The following BTNL9 variants were observed in gnomAD, a reference collection of about 807,000 sequenced individuals.
BTNL9 encodes butyrophilin-like protein 9.
In BTNL9, 45 loss-of-function variants were observed where a neutral mutation model predicts 45.8. The ratio of observed to expected loss-of-function variants is 0.98; its 90% CI spans 0.77 to 1.26. The LOEUF is 1.26. Among genes scored for constraint, BTNL9 ranks in the 50% most tolerant of loss-of-function variants. BTNL9 has a pLI of 0.00. For synonymous variants in BTNL9, 346 were observed against 330.8 expected, an observed-to-expected ratio of 1.05 and a Z score of -0.50; for missense variants, 784 against 729.7, an observed-to-expected ratio of 1.07 and a Z score of -0.86.
Position 181,050,572 on chromosome 5 carries a change from G to C in BTNL9, c.736+203G>C, listed in dbSNP as rs560740982. Among the ~76,000 whole-genome samples the C allele has an allele frequency of 4.0e-4, 61 of 152,252 alleles. No individual in the cohort carries two copies. The South Asian group carries it at 0.011, about 27-fold the overall frequency. On this transcript the variant is annotated intron_variant, in intron 4 of 10. Coordinates refer to ENST00000327705, the MANE Select transcript of BTNL9 (RefSeq NM_152547.5). The surrounding 1 kb of genome is among the most constrained non-coding windows in gnomAD (Gnocchi z 4.9). ...AGAACCCAAACAGTCAGTGAGAGAG[G>C]CCCCAGAGAGCCCGCCTTTCTGTGC... is the stretch of plus-strand genomic sequence containing the variant.
At position 181,053,764 on chromosome 5, in the gene BTNL9, A is replaced by G; in HGVS notation, c.886+263A>G. ...CCGGCTGCTGTCGTTACGCCCTCGG[A>G]GCTTCACATCACACTGTACAGAGGG... On this transcript the variant is annotated intron_variant, in intron 6 of 10. Coordinates refer to ENST00000327705, the MANE Select transcript of BTNL9 (RefSeq NM_152547.5). The surrounding 1 kb of genome is among the most constrained non-coding windows in gnomAD (Gnocchi z 6.5). 2 of 1,516,780 alleles carry G rather than the reference A, an allele frequency of 1.3e-6. No individual in the cohort carries two copies. The highest frequency in any genetic ancestry group is 2.5e-5 in the East Asian group (1 of 40,280). 94.0% of individuals were successfully genotyped at this position (1,516,780 alleles called of 1,614,324 possible).
chr5:181,047,928 G>A lies in BTNL9; in HGVS notation c.111G>A (p.Glu37=), dbSNP rs1255012069. ...GCCTGTTCTGACTTGTCATCCTAGA[G>A]GTCAAGGTGCTAGGCCCTGAGTATC... ...LLLQPGEPSS[E]VKVLGPEYPI... Residue 37 remains glutamate (E), a splice_region_variant and synonymous_variant, in exon 3 of 11, where the codon GAG becomes GAA. Coordinates refer to ENST00000327705, the MANE Select transcript of BTNL9 (RefSeq NM_152547.5). The A allele has an allele frequency of 1.2e-6, 2 of 1,612,474 alleles. No individual in the cohort carries two copies. The highest frequency in any genetic ancestry group is 2.2e-5 in the East Asian group (1 of 44,860).
At chr5:181,047,197 A>T (rs1561976761) in intron 2 of BTNL9, among the ~76,000 whole-genome samples, 1 of 152,182 alleles carries the variant, frequency 6.6e-6, no homozygotes, top group Non-Finnish European at 1.5e-5. Flanking sequence ...ACTGTGCAGG[A>T]GCAGCAACTC....
At position 181,050,239 on chromosome 5, in the gene BTNL9, CT is replaced by C. The variant is rs747284800; in HGVS notation, c.607del (p.Trp203GlyfsTer32). ...CLPPEFEAIV[W>X]DAQDLFSLET... ...TGCCTCCAGAGTTTGAAGCCATCGT[CT>C]GGGATGCCCAGGACCTGTTCAGTCT... is the stretch of plus-strand genomic sequence containing the variant. On this transcript the variant is annotated frameshift_variant, in exon 4 of 11. Coordinates refer to ENST00000327705, the MANE Select transcript of BTNL9 (RefSeq NM_152547.5). LOFTEE classifies it high-confidence loss of function. This position sits in a 1 kb window ranked among gnomAD's most constrained non-coding sequence, Gnocchi z 4.9. 73 of 1,613,976 alleles carry C rather than the reference CT, an allele frequency of 4.5e-5. No homozygotes were observed. Among genetic ancestry groups the C allele is most frequent in the Non-Finnish European group, 5.8e-5 (69 of 1,180,018 alleles).
rs1761838162 is a variant in BTNL9, at chr5:181,055,643, C to A, written c.928+190C>A. On this transcript the variant is annotated intron_variant, in intron 8 of 10. Coordinates refer to ENST00000327705, the MANE Select transcript of BTNL9 (RefSeq NM_152547.5). This position sits in a 1 kb window ranked among gnomAD's most constrained non-coding sequence, Gnocchi z 4.4. ...AATTAGCCCGGCGTGGCGGCATGTG[C>A]CTGTAGTCCCAGCTACATGGGAGGC... is the stretch of plus-strand genomic sequence containing the variant. The A allele has an allele frequency of 5.6e-6, 4 of 719,506 alleles. No homozygotes were observed. The Admixed American group carries it at 9.0e-5, about 16-fold the overall frequency. 44.6% of individuals were successfully genotyped at this position (719,506 alleles called of 1,614,324 possible).
chr5:181,054,460 G>T (rs1300067990), intron 7 of BTNL9: 1 of 985,288 alleles, frequency 1.0e-6, no homozygotes, highest in African/African-American at 1.7e-5. Flanking sequence ...CCTCTGCACA[G>T]ACCCTGCCAG....
Position 181,045,888 on chromosome 5 carries a change from C to A in BTNL9, c.109+290C>A, listed in dbSNP as rs28489251. 3.2e-5 allele frequency among the ~76,000 whole-genome samples: 2 copies of A among 61,854 alleles called. 1 individual carries two copies. 40.6% of individuals were successfully genotyped at this position (61,854 alleles called of 152,430 possible). On this transcript the variant is annotated intron_variant, in intron 2 of 10. Coordinates refer to ENST00000327705, the MANE Select transcript of BTNL9 (RefSeq NM_152547.5). ...GTGTTCCTCCACCATCTCCCCAGCC[C>A]CCGACACCTCCTCCACCATCTCCCC...
chr5:181,059,576 C>A lies in BTNL9; in HGVS notation c.1322C>A (p.Thr441Asn). ...FVLAPHRVALTLRVPPRRLGV... is the reference protein window; with the variant it reads ...FVLAPHRVALNLRVPPRRLGV... ...CTGGCCCCGCACCGCGTCGCGCTCA[C>A]CCTGCGCGTGCCCCCGCGGCGCCTG... is the stretch of plus-strand genomic sequence containing the variant. The change falls in exon 11 of 11, where the codon ACC (threonine) becomes AAC (asparagine). Residue 441 changes from threonine (T) to asparagine (N), a missense_variant. Physicochemically the swap from Thr to Asn is moderately conservative, Grantham distance 65. Coordinates refer to ENST00000327705, the MANE Select transcript of BTNL9 (RefSeq NM_152547.5). The A allele has an allele frequency of 6.2e-7, 1 of 1,612,616 alleles. No homozygotes were observed. The highest frequency in any genetic ancestry group is 8.5e-7 in the Non-Finnish European group (1 of 1,179,802).
At chr5:181,045,694 G>A (rs1028666377) in intron 2 of BTNL9, 96 bp downstream of exon 2, 10 of 971,416 alleles carry the variant, frequency 1.0e-5, no homozygotes, top group South Asian at 2.7e-5. Context: ...ACCAGGGCGT[G>A]CCAGACGCTA....
In BTNL9 at chr5:181,055,491, C is replaced by G; in HGVS notation, c.928+38C>G. 2 of 1,611,844 alleles carry G rather than the reference C, an allele frequency of 1.2e-6. No individual in the cohort carries two copies. The highest frequency in any genetic ancestry group is 1.1e-5 in the South Asian group (1 of 91,018). On this transcript the variant is annotated intron_variant, in intron 8 of 10. Transcript: ENST00000327705. This position sits in a 1 kb window ranked among gnomAD's most constrained non-coding sequence, Gnocchi z 4.4. ...TCTTAGAACTATTTCTCCTCAGGGC[C>G]GGGTCCAGTGGCTCACACCTGTAAT... is the stretch of plus-strand genomic sequence containing the variant.
At chr5:181,056,742 T>C in intron 9 of BTNL9, 1 of 617,150 alleles carries the variant, frequency 1.6e-6, no homozygotes, top group Non-Finnish European at 3.0e-6. Context: ...GAAGGCAGTG[T>C]CGTTATCCTG....
At chr5:181,041,615 G>C (rs1760779691) in intron 1 of BTNL9, among the ~76,000 whole-genome samples, 1 of 152,222 alleles carries the variant, frequency 6.6e-6, no homozygotes, top group African/African-American at 2.4e-5. Flanking sequence ...GGTGGAAGCA[G>C]TGATTTTTAA....
In BTNL9 at chr5:181,059,554, G is replaced by A. The variant is rs1465473970; in HGVS notation, c.1300G>A (p.Ala434Thr). Reference sequence around the variant, plus strand: ...GAACGGCTGCGAGTACTTCGTCCTGGCCCCGCACCGCGTCGCGCTCACCCT... The same window carrying A: ...GAACGGCTGCGAGTACTTCGTCCTGACCCCGCACCGCGTCGCGCTCACCCT... ...LWNGCEYFVL[A>T]PHRVALTLRV... The change falls in exon 11 of 11, where the codon GCC becomes ACC. Residue 434 changes from alanine (A) to threonine (T), a missense_variant. Ala to Thr is a moderately conservative substitution (Grantham distance 58). Coordinates refer to ENST00000327705, the MANE Select transcript of BTNL9 (RefSeq NM_152547.5). The A allele has an allele frequency of 3.7e-6, 6 of 1,610,656 alleles. 1 individual carries two copies. In the Admixed American group the frequency reaches 1.0e-4, roughly 27 times the overall value.
chr5:181,054,408 G>T (rs1258116736), intron 7 of BTNL9, 149 bp downstream of exon 7: 3 of 1,493,458 alleles, frequency 2.0e-6, no homozygotes, highest in Non-Finnish European at 2.7e-6. Context: ...TTGCTAAGGG[G>T]CTGAAAGGAT....
Position 181,053,179 on chromosome 5 carries a change from GC to G in BTNL9, c.737-16del. 1.3e-6 allele frequency: 2 copies of G among 1,562,816 alleles called. No homozygotes were observed. Among genetic ancestry groups the G allele is most frequent in the Non-Finnish European group, 1.7e-6 (2 of 1,154,230 alleles). ...GCTCAGCGGCGCCTGGACCGACACG[GC>G]CCCCGCGGGTGTTTTCCAGACGTGT... On this transcript the variant is annotated intron_variant, in intron 4 of 10. Transcript: ENST00000327705. The surrounding 1 kb of genome is among the most constrained non-coding windows in gnomAD (Gnocchi z 6.5).
chr5:181,045,695 C>T, intron 2 of BTNL9, 97 bp downstream of exon 2: 7 of 963,644 alleles, frequency 7.3e-6, no homozygotes, highest in Non-Finnish European at 1.1e-5. Flanking sequence ...CCAGGGCGTG[C>T]CAGACGCTAA....
At chr5:181,054,043 C>A in intron 6 of BTNL9, 196 bp from the exon 7 acceptor site, 1 of 1,543,738 alleles carries the variant, frequency 6.5e-7, no homozygotes, top group Non-Finnish European at 8.7e-7. Flanking sequence ...TGCAGAAGGG[C>A]AGCCAAGGGT....
At chr5:181,046,340 C>G (rs1582121102) in intron 2 of BTNL9, among the ~76,000 whole-genome samples, 1 of 151,858 alleles carries the variant, frequency 6.6e-6, no homozygotes, top group East Asian at 1.9e-4. Context: ...CAGCCCCCAA[C>G]ACCTCCTGCA....
rs1561604974 is a variant in BTNL9 at position 181,060,698 on chromosome 5, T to C, written c.*836T>C. The stretch of plus-strand genomic sequence containing the variant: ...TTCCAGTCTCAAAGCAGTAACCTTA[T>C]ACACTACTTATAAGTTTGAAAGGGG... On this transcript the variant is annotated 3_prime_UTR_variant, in exon 11 of 11. Transcript: ENST00000327705. 6.6e-6 allele frequency: 1 copy of C among 152,184 alleles called. No individual in the cohort carries two copies. The highest frequency in any genetic ancestry group is 2.1e-4 in the South Asian group (1 of 4,830). The allele number at this position is 152,184 out of a possible 1,614,324, so 9.4% of individuals were successfully genotyped here. A position where few individuals can be genotyped will look rare whatever the true frequency, so the allele number is the denominator to read the frequency against.
Sources: gnomAD v4.1 joint callset for allele counts (sites outside exome capture counted in the v4.1 genomes callset) on GRCh38, gnomAD v4.1.1 for gene constraint, Gnocchi (gnomAD v3.1) non-coding constraint, MANE v1.5 for transcripts, NCBI Gene and HGNC (gene_info 2026-07-23, HGNC 2026-07-21) for gene names.